The following RTL4 variants were observed in gnomAD, a reference collection of about 807,000 sequenced individuals.
The protein encoded by RTL4 is retrotransposon Gag-like protein 4.
Under a neutral mutation model 5.3 loss-of-function variants are expected in RTL4, and 4 were observed. That is an observed-to-expected ratio of 0.75 (90% CI 0.37 to 1.72). RTL4 has a LOEUF of 1.72. Ranked by LOEUF, RTL4 falls within the 40% of genes most tolerant of loss-of-function variation. RTL4 has a pLI of 0.04. For missense variants in RTL4, 260 were observed against 227.1 expected, an observed-to-expected ratio of 1.14 and a Z score of -0.93; for synonymous variants, 98 against 87.3, an observed-to-expected ratio of 1.12 and a Z score of -0.68.
chrX:112,385,213 G>T, the RTL4 span, among the ~76,000 whole-genome samples: 1 of 110,569 alleles, frequency 9.0e-6, no homozygotes, highest in African/African-American at 3.3e-5. Context: ...GATGAAATCT[G>T]GTCTATAATT....
the RTL4 span, chrX:112,381,290 A>T: frequency 8.3e-7 from 1 of 1,210,259 alleles, no homozygotes; most frequent in South Asian, 1.8e-5. Flanking sequence ...TGAGGGCCCC[A>T]GAAGGCTCCT....
chrX:112,381,791 G>C, the RTL4 span: 4 of 1,207,449 alleles, frequency 3.3e-6, no homozygotes, highest in African/African-American at 7.0e-5. Context: ...AGTCCAAGCT[G>C]AGACAGCTGC....
At chrX:112,258,493 G>A in the RTL4 span, among the ~76,000 whole-genome samples, 2 of 111,705 alleles carry the variant, frequency 1.8e-5, no homozygotes, top group African/African-American at 3.2e-5. Context: ...TTAATTATGG[G>A]TGAAGTTAAG....
chrX:112,411,679 A>C, the RTL4 span, among the ~76,000 whole-genome samples: 61 of 111,057 alleles, frequency 5.5e-4, no homozygotes, highest in African/African-American at 1.8e-3. Context: ...ACCCTCAATA[A>C]ACTGGGTATA....
At chrX:112,443,005 A>C in the RTL4 span, among the ~76,000 whole-genome samples, 1 of 111,304 alleles carries the variant, frequency 9.0e-6, no homozygotes, top group African/African-American at 3.3e-5. Context: ...TATTTATTCT[A>C]ACTTATTCAT....
At chrX:112,386,501 C>T in the RTL4 span, among the ~76,000 whole-genome samples, 1 of 110,000 alleles carries the variant, frequency 9.1e-6, no homozygotes, top group African/African-American at 3.3e-5. Flanking sequence ...TTATCCCTCA[C>T]CCCCCTCCCA....
chrX:112,282,616 A>G, the RTL4 span, among the ~76,000 whole-genome samples: 1 of 111,584 alleles, frequency 9.0e-6, no homozygotes, highest in African/African-American at 3.3e-5. Context: ...AATTCTTCCA[A>G]TCCATGAACA....
chrX:112,134,341 C>T, the RTL4 span, among the ~76,000 whole-genome samples: 1 of 112,281 alleles, frequency 8.9e-6, no homozygotes, highest in South Asian at 3.7e-4. Context: ...ATATTAGATT[C>T]TGTGGGACTA....
At chrX:112,424,749 G>T in the RTL4 span, among the ~76,000 whole-genome samples, 3 of 110,897 alleles carry the variant, frequency 2.7e-5, no homozygotes, top group Non-Finnish European at 3.8e-5. Flanking sequence ...ACTGAAGTTG[G>T]TTTTTTTACA....
At chrX:112,316,559 C>G in the RTL4 span, among the ~76,000 whole-genome samples, 13 of 111,913 alleles carry the variant, frequency 1.2e-4, no homozygotes, top group African/African-American at 4.2e-4. Context: ...ATGTAAAACC[C>G]TATGCTTCTA....
the RTL4 span, among the ~76,000 whole-genome samples, chrX:112,230,454 A>T: frequency 0.016 from 1,776 of 112,135 alleles, 34 homozygotes; most frequent in African/African-American, 0.055. Context: ...AGGAAAGGGA[A>T]TTCCCTGACT....
the RTL4 span, among the ~76,000 whole-genome samples, chrX:112,434,474 G>T: frequency 8.9e-6 from 1 of 111,741 alleles, no homozygotes; most frequent in Non-Finnish European, 1.9e-5. Context: ...GGGTGTATGT[G>T]TCGAGGAATT....
the RTL4 span, among the ~76,000 whole-genome samples, chrX:112,273,705 T>C: frequency 7.2e-5 from 8 of 111,678 alleles, no homozygotes; most frequent in African/African-American, 2.6e-4. Context: ...GTGGTTAAGA[T>C]AAGAGCATGA....
chrX:112,269,538 T>C, the RTL4 span, among the ~76,000 whole-genome samples: 6 of 111,892 alleles, frequency 5.4e-5, no homozygotes, highest in African/African-American at 1.3e-4. Flanking sequence ...AAACTCTTTA[T>C]ATCCATTTTG....
rs771676211 is a variant in RTL4, at chrX:112,455,827, A to T, written c.*166A>T. The T allele has an allele frequency of 4.7e-5, 22 of 467,867 alleles. No individual in the cohort carries two copies. The East Asian group carries it at 7.9e-4, about 17-fold the overall frequency. The allele number at this position is 467,867 out of a possible 1,213,427, so 38.6% of individuals were successfully genotyped here. A position where few individuals can be genotyped will look rare whatever the true frequency, so the allele number is the denominator to read the frequency against. ...AAACAATCAGATCTTGTTCATTGGC[A>T]AATTACCCCTCACGAAACCTAACCC... On this transcript the variant is annotated 3_prime_UTR_variant, in exon 1 of 1. Coordinates refer to ENST00000340433, the Ensembl canonical transcript of RTL4.
chrX:112,383,935 A>G, the RTL4 span, among the ~76,000 whole-genome samples: 2 of 111,797 alleles, frequency 1.8e-5, no homozygotes, highest in South Asian at 7.4e-4. Flanking sequence ...GCATCATGCA[A>G]TATACTCAGC....
chrX:112,429,795 G>T, the RTL4 span, among the ~76,000 whole-genome samples: 2 of 110,114 alleles, frequency 1.8e-5, no homozygotes, highest in Admixed American at 9.7e-5. Flanking sequence ...CACTTTCAAA[G>T]GATAATTTTA....
the RTL4 span, among the ~76,000 whole-genome samples, chrX:112,286,447 G>A: frequency 9.0e-6 from 1 of 111,301 alleles, no homozygotes; most frequent in Non-Finnish European, 1.9e-5. Context: ...TCTGACTTAG[G>A]TTTTTAAAGG....
the RTL4 span, among the ~76,000 whole-genome samples, chrX:112,328,433 G>A: frequency 9.0e-6 from 1 of 111,390 alleles, no homozygotes; most frequent in African/African-American, 3.3e-5. Context: ...AATGGTAAAG[G>A]GAACAATTCA....
Sources: gnomAD v4.1 joint callset for allele counts (sites outside exome capture counted in the v4.1 genomes callset) on GRCh38, gnomAD v4.1.1 for gene constraint, MANE v1.5 for transcripts, NCBI Gene and HGNC (gene_info 2026-07-23, HGNC 2026-07-21) for gene names.